PRKCA: variants seen among roughly 807,000 people sequenced by gnomAD.
The protein encoded by PRKCA is protein kinase C alpha type.
In PRKCA, 27 loss-of-function variants were observed where a neutral mutation model predicts 87.0. That is an observed-to-expected ratio of 0.31 (90% CI 0.23 to 0.43). The LOEUF (loss-of-function observed/expected upper bound fraction) is 0.43. Among genes scored for constraint, PRKCA ranks in the 20% least tolerant of loss-of-function variants. PRKCA has a pLI of 1.00. For missense variants in PRKCA, 518 were observed against 852.3 expected (o/e 0.61, Z 4.88); for synonymous variants, 329 against 311.1 (o/e 1.06, Z -0.61).
At position 66,732,780 on chromosome 17, in the gene PRKCA, G is replaced by A. The variant is rs368946369; in HGVS notation, c.1011G>A (p.Thr337=). 7.0e-5 allele frequency: 113 copies of A among 1,614,014 alleles called. No individual in the cohort carries two copies. The highest frequency in any genetic ancestry group is 7.3e-5 in the Non-Finnish European group (86 of 1,180,020). The stretch of plus-strand genomic sequence containing the variant: ...ACAACCTTGACCGAGTGAAACTCAC[G>A]GACTTCAATTTCCTCATGGTGTTGG... ...PSNNLDRVKL[T]DFNFLMVLGK... The change falls in exon 9 of 17, where the codon ACG becomes ACA. Residue 337 remains threonine (T), a synonymous_variant. Transcript: ENST00000413366.
intron 3 of PRKCA, among the ~76,000 whole-genome samples, chr17:66,561,929 T>C (rs759689119): frequency 1.2e-4 from 18 of 151,478 alleles, no homozygotes; most frequent in Non-Finnish European, 1.6e-4. Flanking sequence ...AGAGTTTCAG[T>C]TGTGGAAGAT....
intron 2 of PRKCA, among the ~76,000 whole-genome samples, chr17:66,319,787 G>A (rs866114990): frequency 2.0e-5 from 3 of 151,838 alleles, no homozygotes; most frequent in Non-Finnish European, 4.4e-5. Context: ...TGTCGCTCAA[G>A]GTGGGGTACA....
At chr17:66,443,733 A>G (rs1172643855) in intron 2 of PRKCA, among the ~76,000 whole-genome samples, 2 of 143,236 alleles carry the variant, frequency 1.4e-5, no homozygotes, top group Admixed American at 7.3e-5. Flanking sequence ...TAAAGACCGC[A>G]GAGGATGGAG....
At chr17:66,405,118 C>T (rs1457835269) in intron 2 of PRKCA, among the ~76,000 whole-genome samples, 1 of 152,118 alleles carries the variant, frequency 6.6e-6, no homozygotes, top group Non-Finnish European at 1.5e-5. Context: ...GCCCCTATCT[C>T]TCCCATCAGG....
At chr17:66,646,202 G>A (rs778490956) in intron 5 of PRKCA, among the ~76,000 whole-genome samples, 7 of 152,108 alleles carry the variant, frequency 4.6e-5, no homozygotes, top group South Asian at 2.1e-4. Context: ...CTATGGGACC[G>A]GAATTCCCTA....
rs117936821 is a variant in PRKCA at position 66,766,155 on chromosome 17, C to T, written c.1525-7832C>T. ...CTGTCACGAGAAAAACGAGCCTTGG[C>T]GCTTGGCATTCTGCTTTTGGTAAGC... is the stretch of plus-strand genomic sequence containing the variant. On this transcript the variant is annotated intron_variant, in intron 13 of 16. Coordinates refer to ENST00000413366, the MANE Select transcript of PRKCA (RefSeq NM_002737.3). Among the ~76,000 whole-genome samples, 1,465 of 152,276 alleles carry T rather than the reference C, an allele frequency of 9.6e-3. 14 individuals are homozygous for T. Among genetic ancestry groups the T allele is most frequent in the Non-Finnish European group, 0.015 (1,015 of 68,016 alleles).
At chr17:66,367,001 T>G (rs1272152557) in intron 2 of PRKCA, among the ~76,000 whole-genome samples, 1 of 152,228 alleles carries the variant, frequency 6.6e-6, no homozygotes, top group Non-Finnish European at 1.5e-5. Flanking sequence ...AAATGATCTT[T>G]TCAGGTTTTC....
At chr17:66,314,875 A>ATG (rs56889057) in intron 2 of PRKCA, among the ~76,000 whole-genome samples, 40,206 of 148,404 alleles carry the variant, frequency 0.27, 6,400 homozygotes, top group East Asian at 0.57. Context: ...ATATATATAT[A>ATG]TGTGTGTGTG....
At chr17:66,550,358 G>T (rs1968287704) in intron 3 of PRKCA, among the ~76,000 whole-genome samples, 2 of 152,138 alleles carry the variant, frequency 1.3e-5, no homozygotes, top group South Asian at 4.1e-4. Flanking sequence ...GCAGGTTAAA[G>T]AAGGCTCTGG....
intron 2 of PRKCA, among the ~76,000 whole-genome samples, chr17:66,341,602 A>G (rs1441399347): frequency 6.6e-6 from 1 of 152,208 alleles, no homozygotes; most frequent in Non-Finnish European, 1.5e-5. Context: ...TACGGTTTTG[A>G]GTAAGGAGTA....
intron 2 of PRKCA, among the ~76,000 whole-genome samples, chr17:66,494,406 C>T (rs1238834851): frequency 1.3e-5 from 2 of 152,186 alleles, no homozygotes; most frequent in African/African-American, 4.8e-5. Flanking sequence ...ACTGCATGCT[C>T]CCAGGGGGAG....
intron 2 of PRKCA, among the ~76,000 whole-genome samples, chr17:66,390,572 C>T (rs1198165275): frequency 6.6e-6 from 1 of 152,148 alleles, no homozygotes; most frequent in African/African-American, 2.4e-5. Flanking sequence ...GAGGAGATGC[C>T]ATGAACTTGG....
intron 3 of PRKCA, among the ~76,000 whole-genome samples, chr17:66,496,850 G>T (rs919149954): frequency 6.6e-6 from 1 of 152,012 alleles, no homozygotes; most frequent in Non-Finnish European, 1.5e-5. Flanking sequence ...CATCATGTTG[G>T]CAGGCTGTTC....
chr17:66,438,889 C>A (rs1314200389), intron 2 of PRKCA, among the ~76,000 whole-genome samples: 1 of 152,172 alleles, frequency 6.6e-6, no homozygotes, highest in Non-Finnish European at 1.5e-5. Context: ...TGCCTAGTCC[C>A]TCCTACGACA....
intron 3 of PRKCA, among the ~76,000 whole-genome samples, chr17:66,624,588 G>T (rs941742701): frequency 1.3e-5 from 2 of 152,122 alleles, no homozygotes; most frequent in African/African-American, 4.8e-5. Context: ...ATCACTTGAG[G>T]TCAAGAGTTT....
intron 5 of PRKCA, among the ~76,000 whole-genome samples, chr17:66,657,555 G>T (rs1443088975): frequency 6.6e-6 from 1 of 152,128 alleles, no homozygotes; most frequent in Non-Finnish European, 1.5e-5. Flanking sequence ...CACTCAGCTG[G>T]GAGTGGGGGT....
chr17:66,378,027 T>A (rs1351956050), intron 2 of PRKCA, among the ~76,000 whole-genome samples: 1 of 152,162 alleles, frequency 6.6e-6, no homozygotes, highest in African/African-American at 2.4e-5. Flanking sequence ...CATGTTAATA[T>A]AAAGGTTCTT....
chr17:66,694,314 C>T (rs1972861894), intron 8 of PRKCA, among the ~76,000 whole-genome samples: 1 of 151,756 alleles, frequency 6.6e-6, no homozygotes, highest in South Asian at 2.1e-4. Context: ...AACCCTGTCT[C>T]TACCAAAAAT....
chr17:66,538,412 A>G (rs1255039546), intron 3 of PRKCA, among the ~76,000 whole-genome samples: 1 of 152,170 alleles, frequency 6.6e-6, no homozygotes, highest in Non-Finnish European at 1.5e-5. Flanking sequence ...GGAGAGATGC[A>G]CTTGGTGCCT....
Sources: gnomAD v4.1 joint callset for allele counts (sites outside exome capture counted in the v4.1 genomes callset) on GRCh38, gnomAD v4.1.1 for gene constraint, MANE v1.5 for transcripts, NCBI Gene and HGNC (gene_info 2026-07-23, HGNC 2026-07-21) for gene names.